Variants in NTM observed in about 807,000 individuals in gnomAD.
NTM encodes the protein neurotrimin.
NTM carries 13 observed loss-of-function variants against 42.1 expected under a neutral mutation model. The observed-to-expected ratio is 0.31, with a 90% CI of 0.20 to 0.49. The LOEUF is 0.49. Ranked by LOEUF, NTM falls within the 20% of genes least tolerant of loss-of-function variation. The pLI is 0.99. For missense variants in NTM, 373 were observed against 452.8 expected, an observed-to-expected ratio of 0.82 and a Z score of 1.60; for synonymous variants, 187 against 179.2, an observed-to-expected ratio of 1.04 and a Z score of -0.35.
chr11:132,313,240 G>A (rs2095330492), intron 6 of NTM, among the ~76,000 whole-genome samples: 1 of 152,236 alleles, frequency 6.6e-6, no homozygotes, highest in African/African-American at 2.4e-5. Context: ...ACATTATACT[G>A]ATGCCATTGT....
chr11:131,737,693 G>A (rs904296965), intron 1 of NTM, among the ~76,000 whole-genome samples: 7 of 151,834 alleles, frequency 4.6e-5, no homozygotes, highest in African/African-American at 1.5e-4. Context: ...CTGCCTTCTC[G>A]CCTAACCTTG....
At chr11:131,988,791 A>G (rs1440209229) in intron 2 of NTM, among the ~76,000 whole-genome samples, 1 of 152,112 alleles carries the variant, frequency 6.6e-6, no homozygotes, top group Non-Finnish European at 1.5e-5. Context: ...ACACAAAAAG[A>G]CCTCTGTCTA....
At chr11:132,200,462 T>A (rs1171884885) in intron 3 of NTM, among the ~76,000 whole-genome samples, 2 of 152,204 alleles carry the variant, frequency 1.3e-5, no homozygotes, top group African/African-American at 4.8e-5. Flanking sequence ...TCTCTGGAAT[T>A]ATTTGCACTT....
intron 3 of NTM, among the ~76,000 whole-genome samples, chr11:132,147,656 G>A (rs2070833565): frequency 6.6e-6 from 1 of 152,100 alleles, no homozygotes; most frequent in Non-Finnish European, 1.5e-5. Flanking sequence ...TAGCCCCTGA[G>A]CAGCGGCATG....
Position 131,795,379 on chromosome 11 carries a change from T to A in NTM, c.83-116185T>A, listed in dbSNP as rs1271672550. ...ATTGTTATGAGCTATTTACTTAGCA[T>A]CACTTAAAAAGGGAATAGTGATATT... On this transcript the variant is annotated intron_variant, in intron 1 of 8. Transcript: ENST00000683400. 5.1e-6 allele frequency: 5 copies of A among 984,780 alleles called. No individual in the cohort carries two copies. In the East Asian group the frequency reaches 4.5e-4, roughly 89 times the overall value. The allele number at this position is 984,780 out of a possible 1,614,324, so 61.0% of individuals were successfully genotyped here. A position where few individuals can be genotyped will look rare whatever the true frequency, so the allele number is the denominator to read the frequency against.
chr11:132,091,101 C>A (rs900121589), intron 2 of NTM, among the ~76,000 whole-genome samples: 1 of 152,100 alleles, frequency 6.6e-6, no homozygotes, highest in African/African-American at 2.4e-5. Flanking sequence ...AAATTATTTT[C>A]TCTTCTGGAC....
chr11:131,828,331 C>A (rs1017710842), intron 1 of NTM, among the ~76,000 whole-genome samples: 2 of 151,984 alleles, frequency 1.3e-5, no homozygotes, highest in Non-Finnish European at 2.9e-5. Flanking sequence ...CCATTATTGC[C>A]AAAATTGTCA....
At chr11:131,984,058 C>T (rs906524533) in intron 2 of NTM, among the ~76,000 whole-genome samples, 15 of 152,170 alleles carry the variant, frequency 9.9e-5, no homozygotes, top group Admixed American at 7.9e-4. Context: ...AAAAAATAGA[C>T]ACAGATTTTG....
intron 4 of NTM, among the ~76,000 whole-genome samples, chr11:132,228,140 T>G (rs1202826063): frequency 6.6e-6 from 1 of 152,122 alleles, no homozygotes; most frequent in Non-Finnish European, 1.5e-5. Context: ...GGAGTGGAAG[T>G]GCAGGGGCAA....
intron 2 of NTM, among the ~76,000 whole-genome samples, chr11:132,111,305 CATAT>C (rs2063169864): frequency 6.6e-6 from 1 of 151,228 alleles, no homozygotes; most frequent in African/African-American, 2.4e-5. Flanking sequence ...TTTATATATA[CATAT>C]ATATTTTTTC....
Position 132,261,411 on chromosome 11 carries a change from C to T in NTM, c.527-46278C>T, listed in dbSNP as rs564950605. ...AGTGCACCTGGGGGGCACAGACGCA[C>T]GGCTCACAGCACTGCAGCTTCCTCC... On this transcript the variant is annotated intron_variant, in intron 4 of 8. Coordinates refer to ENST00000683400, the MANE Select transcript of NTM (RefSeq NM_001352005.2). Among the ~76,000 whole-genome samples the T allele has an allele frequency of 7.2e-5, 11 of 152,304 alleles. 1 individual carries two copies. In the South Asian group the frequency reaches 2.3e-3, roughly 32 times the overall value.
intron 1 of NTM, among the ~76,000 whole-genome samples, chr11:131,774,942 T>C (rs1243216519): frequency 6.6e-6 from 1 of 152,196 alleles, no homozygotes; most frequent in Non-Finnish European, 1.5e-5. Context: ...CTCCGTTCCC[T>C]GCAGTGGTTT....
chr11:132,177,443 T>C (rs986313100), intron 3 of NTM, among the ~76,000 whole-genome samples: 3 of 152,222 alleles, frequency 2.0e-5, no homozygotes, highest in African/African-American at 7.2e-5. Flanking sequence ...TGTTAATACA[T>C]TGTTTTCCAC....
At chr11:132,286,615 T>C (rs1426531260) in intron 4 of NTM, among the ~76,000 whole-genome samples, 1 of 152,174 alleles carries the variant, frequency 6.6e-6, no homozygotes, top group Non-Finnish European at 1.5e-5. Context: ...TTGATACTTC[T>C]GATACTCAAT....
At chr11:131,393,858 G>A (rs879374854) in intron 1 of NTM, among the ~76,000 whole-genome samples, 1 of 152,226 alleles carries the variant, frequency 6.6e-6, no homozygotes, top group African/African-American at 2.4e-5. Flanking sequence ...AGAGGCTTTT[G>A]TTGTGTCATT....
At chr11:132,311,169 C>T (rs976018715) in intron 6 of NTM, among the ~76,000 whole-genome samples, 2 of 152,212 alleles carry the variant, frequency 1.3e-5, no homozygotes, top group South Asian at 2.1e-4. Flanking sequence ...GCCGCCCACG[C>T]TGTGTGCACG....
intron 1 of NTM, among the ~76,000 whole-genome samples, chr11:131,865,937 A>T (rs1565647014): frequency 0.094 from 13,021 of 138,088 alleles, 1,783 homozygotes; most frequent in Non-Finnish European, 0.11. Context: ...CACCTCCCAC[A>T]CTCACACATG....
chr11:132,036,772 G>GT (rs2076561004), intron 2 of NTM, among the ~76,000 whole-genome samples: 1 of 152,128 alleles, frequency 6.6e-6, no homozygotes, highest in Non-Finnish European at 1.5e-5. Flanking sequence ...TTAACTCCTT[G>GT]TTTTTATTAA....
chr11:132,145,332 A>G (rs2070144149), intron 2 of NTM, among the ~76,000 whole-genome samples: 1 of 152,242 alleles, frequency 6.6e-6, no homozygotes, highest in Admixed American at 6.5e-5. Flanking sequence ...AATAATGTAT[A>G]CATTTGAGAC....
Sources: allele counts gnomAD v4.1 joint callset (sites outside exome capture counted in the v4.1 genomes callset), GRCh38; gene constraint gnomAD v4.1.1; transcripts MANE v1.5; gene names NCBI Gene and HGNC (gene_info 2026-07-23, HGNC 2026-07-21).